Variants in SLC12A8 observed in about 807,000 individuals in gnomAD.
SLC12A8 encodes the protein solute carrier family 12 member 8, also known as cation-chloride cotransporter 9.
A neutral mutation model predicts 75.6 loss-of-function variants in SLC12A8; 69 were observed. The ratio of observed to expected loss-of-function variants is 0.91; its 90% CI spans 0.75 to 1.11. The LOEUF (loss-of-function observed/expected upper bound fraction) is 1.11. Ranked by LOEUF, SLC12A8 falls within the 50% of genes most tolerant of loss-of-function variation. The pLI, the probability that SLC12A8 is intolerant of heterozygous loss-of-function variation, is 0.00. For synonymous variants in SLC12A8, 365 were observed against 372.8 expected (o/e 0.98, Z 0.24); for missense variants, 877 against 896.7 (o/e 0.98, Z 0.28).
At position 125,107,678 on chromosome 3, in the gene SLC12A8, T is replaced by C. The variant is rs760003235; in HGVS notation, c.1508A>G (p.Asp503Gly). 2 of 1,614,130 alleles carry C rather than the reference T, an allele frequency of 1.2e-6. No homozygotes were observed. The highest frequency in any genetic ancestry group is 1.7e-6 in the Non-Finnish European group (2 of 1,180,010). The change falls in exon 10 of 14, where the codon GAT becomes GGT. Residue 503 changes from aspartate (D) to glycine (G), a missense_variant. Physicochemically the swap from Asp to Gly is moderately conservative, Grantham distance 94. Transcript: ENST00000469902. The stretch of plus-strand genomic sequence containing the variant: ...GGATTTGAGGTCCAAGAGGAAGCTA[T>C]CTTGTAGGGTCTGCTTGGTGGCCTT... ...SKKATKQTLQ[D>G]SFLLDLKSPP...
intron 8 of SLC12A8, among the ~76,000 whole-genome samples, chr3:125,116,475 G>A (rs1026383553): frequency 6.6e-6 from 1 of 152,196 alleles, no homozygotes; most frequent in Non-Finnish European, 1.5e-5. Flanking sequence ...GTCGGGACAG[G>A]TGGCATTCCA....
chr3:125,201,089 C>T (rs1935111482), intron 2 of SLC12A8, among the ~76,000 whole-genome samples: 1 of 152,078 alleles, frequency 6.6e-6, no homozygotes, highest in Non-Finnish European at 1.5e-5. Flanking sequence ...GGGAAGAAGA[C>T]ATTCACACAA....
Position 125,083,881 on chromosome 3 carries a change from GC to G in SLC12A8, c.*8del. The stretch of plus-strand genomic sequence containing the variant: ...ACAGCTCCAAAAGAGGAAGGTCCCA[GC>G]ACTGCATCTAGTAGTGAGGCATCAG... On this transcript the variant is annotated 3_prime_UTR_variant, in exon 14 of 14. Coordinates refer to ENST00000469902, the MANE Select transcript of SLC12A8 (RefSeq NM_024628.6). The G allele has an allele frequency of 6.2e-7, 1 of 1,610,060 alleles. No individual in the cohort carries two copies. The highest frequency in any genetic ancestry group is 2.2e-5 in the East Asian group (1 of 44,712).
At chr3:125,160,874 G>A (rs1426713923) in intron 5 of SLC12A8, among the ~76,000 whole-genome samples, 4 of 152,102 alleles carry the variant, frequency 2.6e-5, no homozygotes, top group African/African-American at 4.8e-5. Flanking sequence ...AGCACTGGCT[G>A]GGGAGCTGGG....
At chr3:125,121,465 G>T (rs1933059863) in intron 6 of SLC12A8, among the ~76,000 whole-genome samples, 1 of 152,216 alleles carries the variant, frequency 6.6e-6, no homozygotes. Flanking sequence ...GGAGGGGGTT[G>T]TATCTTGAAT....
chr3:125,166,052 G>A (rs895899050), intron 5 of SLC12A8, among the ~76,000 whole-genome samples: 3 of 151,862 alleles, frequency 2.0e-5, no homozygotes, highest in African/African-American at 4.8e-5. Flanking sequence ...GGCTCTTTCC[G>A]CTTCCAAACC....
intron 8 of SLC12A8, among the ~76,000 whole-genome samples, chr3:125,116,844 G>A (rs1463252920): frequency 6.6e-6 from 1 of 152,214 alleles, no homozygotes; most frequent in Non-Finnish European, 1.5e-5. Flanking sequence ...GCCTCACCCA[G>A]TCTGCTCCCT....
Position 125,107,944 on chromosome 3 carries a change from C to A in SLC12A8, c.1242G>T (p.Pro414=). The A allele has an allele frequency of 6.2e-7, 1 of 1,614,122 alleles. No individual in the cohort carries two copies. The highest frequency in any genetic ancestry group is 2.2e-5 in the East Asian group (1 of 44,882). Residue 414 remains proline, a synonymous_variant, in exon 10 of 14, where the codon CCG becomes CCT. Coordinates refer to ENST00000469902, the MANE Select transcript of SLC12A8 (RefSeq NM_024628.6). ...SLSMCSCSLT[P]VPEPVLREGA... ...CCTCCCTGAGCACCGGCTCAGGCAC[C>A]GGGGTCAGGCTGCAGGAACACATGG...
At chr3:125,107,027 G>C (rs936434470) in intron 10 of SLC12A8, among the ~76,000 whole-genome samples, 2 of 152,154 alleles carry the variant, frequency 1.3e-5, no homozygotes, top group African/African-American at 4.8e-5. Flanking sequence ...ATAGATTTGA[G>C]AAAACAAAGC....
intron 10 of SLC12A8, among the ~76,000 whole-genome samples, chr3:125,094,043 A>C (rs1938651062): frequency 6.6e-6 from 1 of 152,108 alleles, no homozygotes; most frequent in African/African-American, 2.4e-5. Context: ...TCATACTAAT[A>C]ATCTTTTCTT....
At chr3:125,095,887 T>C (rs1017327224) in intron 10 of SLC12A8, among the ~76,000 whole-genome samples, 1 of 152,124 alleles carries the variant, frequency 6.6e-6, no homozygotes, top group African/African-American at 2.4e-5. Flanking sequence ...TACCTCCAAA[T>C]TGGCCTTGGC....
intron 6 of SLC12A8, among the ~76,000 whole-genome samples, chr3:125,125,569 A>C (rs1933185126): frequency 6.6e-6 from 1 of 152,170 alleles, no homozygotes; most frequent in African/African-American, 2.4e-5. Context: ...AAAAACAATA[A>C]AAATAAAAAA....
intron 2 of SLC12A8, among the ~76,000 whole-genome samples, chr3:125,191,885 T>C (rs1245492893): frequency 1.3e-5 from 2 of 152,250 alleles, no homozygotes; most frequent in African/African-American, 4.8e-5. Flanking sequence ...GCTTCATTTA[T>C]GCATGTACAT....
intron 4 of SLC12A8, among the ~76,000 whole-genome samples, chr3:125,181,607 C>CAAAAAAAAAAAAAA (rs67602083): frequency 1.5e-5 from 1 of 67,604 alleles, no homozygotes; most frequent in Non-Finnish European, 2.6e-5. Context: ...GACTCCGTCT[C>CAAAAAAAAAAAAAA]AAAAAAAAAA....
chr3:125,180,305 AC>A (rs1179439147), intron 4 of SLC12A8, among the ~76,000 whole-genome samples: 1 of 152,086 alleles, frequency 6.6e-6, no homozygotes, highest in African/African-American at 2.4e-5. Flanking sequence ...AAGTGTTTTA[AC>A]CCCTCCGTGA....
chr3:125,171,946 T>A (rs1483007857), intron 5 of SLC12A8, among the ~76,000 whole-genome samples: 55 of 114,260 alleles, frequency 4.8e-4, no homozygotes, highest in African/African-American at 8.9e-4. Context: ...AAAAGAAAAT[T>A]AAAAAGTAAA....
At position 125,110,225 on chromosome 3, in the gene SLC12A8, C is replaced by T; in HGVS notation, c.1023G>A (p.Glu341=). ...APRILQCIAQ[E]KVIPALACLG... is the part of the protein sequence containing the mutation. ...GACAGGCAAGTGCAGGGATCACTTT[C>T]TCCTGGGCAATGCACTGCAGGATGC... The change falls in exon 9 of 14, where the codon GAG becomes GAA. Residue 341 remains glutamate (E), a synonymous_variant. Coordinates refer to ENST00000469902, the MANE Select transcript of SLC12A8 (RefSeq NM_024628.6). 6.2e-7 allele frequency: 1 copy of T among 1,614,072 alleles called. No individual in the cohort carries two copies. Among genetic ancestry groups the T allele is most frequent in the Non-Finnish European group, 8.5e-7 (1 of 1,179,922 alleles).
At chr3:125,149,265 A>G (rs1025445892) in intron 5 of SLC12A8, among the ~76,000 whole-genome samples, 1 of 152,230 alleles carries the variant, frequency 6.6e-6, no homozygotes, top group African/African-American at 2.4e-5. Context: ...CGGCCTCTTC[A>G]GCCCATGGCT....
chr3:125,102,592 T>G (rs1200559235), intron 10 of SLC12A8, among the ~76,000 whole-genome samples: 1 of 152,104 alleles, frequency 6.6e-6, no homozygotes, highest in Non-Finnish European at 1.5e-5. Context: ...ATGATGAGCG[T>G]CTGCACCAAA....
Sources: allele counts gnomAD v4.1 joint callset (sites outside exome capture counted in the v4.1 genomes callset), GRCh38; gene constraint gnomAD v4.1.1; transcripts MANE v1.5; gene names NCBI Gene and HGNC (gene_info 2026-07-23, HGNC 2026-07-21).